PDE1C: variants seen among roughly 807,000 people sequenced by gnomAD.
The protein encoded by PDE1C is dual specificity calcium/calmodulin-dependent 3',5'-cyclic nucleotide phosphodiesterase 1C.
PDE1C carries 62 observed loss-of-function variants against 93.1 expected under a neutral mutation model. The ratio of observed to expected loss-of-function variants is 0.67; its 90% CI spans 0.54 to 0.82. The LOEUF (loss-of-function observed/expected upper bound fraction) is 0.82. Among genes scored for constraint, PDE1C ranks in the 40% least tolerant of loss-of-function variants. The pLI, the probability that PDE1C is intolerant of heterozygous loss-of-function variation, is 0.00. For synonymous variants in PDE1C, 325 were observed against 310.1 expected, an observed-to-expected ratio of 1.05 and a Z score of -0.50; for missense variants, 742 against 884.6, an observed-to-expected ratio of 0.84 and a Z score of 2.04.
upstream of PDE1C, among the ~76,000 whole-genome samples, chr7:32,302,637 G>A (rs1812907609): frequency 6.6e-6 from 1 of 152,218 alleles, no homozygotes; most frequent in South Asian, 2.1e-4. Context: ...CTCTATATAA[G>A]AGAAAGGATA....
chr7:31,954,539 T>G (rs1233425418), intron 2 of PDE1C, among the ~76,000 whole-genome samples: 1 of 152,226 alleles, frequency 6.6e-6, no homozygotes, highest in Non-Finnish European at 1.5e-5. Flanking sequence ...GATCTATTCC[T>G]CTATAACTAA....
At chr7:31,733,326 A>G in the PDE1C span, among the ~76,000 whole-genome samples, 1 of 152,290 alleles carries the variant, frequency 6.6e-6, no homozygotes, top group East Asian at 1.9e-4. Context: ...TGCACAGTCA[A>G]CTTGTAGAGG....
chr7:31,934,602 T>G (rs1308751787), intron 2 of PDE1C, among the ~76,000 whole-genome samples: 2 of 151,752 alleles, frequency 1.3e-5, no homozygotes, highest in Non-Finnish European at 2.9e-5. Context: ...GAGTTGATAC[T>G]GGTCTGATTT....
intron 1 of PDE1C, among the ~76,000 whole-genome samples, chr7:32,258,970 G>A (rs17161104): frequency 0.12 from 17,810 of 152,144 alleles, 1,199 homozygotes; most frequent in African/African-American, 0.16. Context: ...GAATGTCCAT[G>A]GTGCGCCCAG....
intron 1 of PDE1C, among the ~76,000 whole-genome samples, chr7:32,342,350 G>A (rs1402105806): frequency 6.6e-6 from 1 of 152,122 alleles, no homozygotes; most frequent in Non-Finnish European, 1.5e-5. Context: ...AAATATTATT[G>A]TTGAAATATA....
intron 1 of PDE1C, among the ~76,000 whole-genome samples, chr7:32,213,778 C>T (rs1806227597): frequency 6.6e-6 from 1 of 152,220 alleles, no homozygotes; most frequent in Non-Finnish European, 1.5e-5. Flanking sequence ...CTATGCCATA[C>T]TGCTCACAAA....
In PDE1C at chr7:32,185,036, G is replaced by A. The variant is rs377147640; in HGVS notation, c.137-15080C>T. 2.8e-3 allele frequency among the ~76,000 whole-genome samples: 421 copies of A among 151,964 alleles called. 2 individuals are homozygous for A. The highest frequency in any genetic ancestry group is 9.6e-3 in the African/African-American group (399 of 41,444). On this transcript the variant is annotated intron_variant, in intron 2 of 18. Coordinates refer to the PDE1C transcript ENST00000396193. ...TGAGGCAGGATAAGCTCTTGAACCC[G>A]GGAGGCAGAGGTTGTGGTGAGTCGA...
chr7:32,072,665 T>C (rs370143933), upstream of PDE1C, among the ~76,000 whole-genome samples: 370 of 152,354 alleles, frequency 2.4e-3, 2 homozygotes, highest in African/African-American at 7.6e-3. Context: ...CCAAGCATTG[T>C]TCTAAGTGTT....
intron 2 of PDE1C, among the ~76,000 whole-genome samples, chr7:31,963,019 C>T (rs1422197471): frequency 2.0e-5 from 3 of 152,152 alleles, no homozygotes; most frequent in African/African-American, 7.2e-5. Context: ...TTGGTTTCTC[C>T]CTTTTCCTTC....
At chr7:31,833,980 G>A (rs1397965498) in intron 11 of PDE1C, among the ~76,000 whole-genome samples, 5 of 152,248 alleles carry the variant, frequency 3.3e-5, no homozygotes, top group African/African-American at 1.2e-4. Context: ...TCCCCCTGCT[G>A]TGTGCAGCCT....
chr7:32,217,040 G>A (rs1806486266), intron 1 of PDE1C, among the ~76,000 whole-genome samples: 1 of 152,248 alleles, frequency 6.6e-6, no homozygotes, highest in African/African-American at 2.4e-5. Flanking sequence ...GGTGGGCAAA[G>A]AGGCCAGAAC....
chr7:31,622,822 G>A, the PDE1C span, among the ~76,000 whole-genome samples: 1 of 152,056 alleles, frequency 6.6e-6, no homozygotes. Context: ...TCCAGGAGCT[G>A]GTTTTTTGAA....
At chr7:31,812,439 C>T (rs534629888) in intron 15 of PDE1C, among the ~76,000 whole-genome samples, 26 of 152,116 alleles carry the variant, frequency 1.7e-4, no homozygotes, top group Non-Finnish European at 2.8e-4. Context: ...ACTGACTAGA[C>T]CTGGGGTTGG....
At chr7:32,215,370 C>T (rs766933915) in intron 1 of PDE1C, among the ~76,000 whole-genome samples, 10 of 152,152 alleles carry the variant, frequency 6.6e-5, no homozygotes, top group South Asian at 4.2e-4. Context: ...TGAAACCGGT[C>T]CCTGGTGCCA....
the PDE1C span, among the ~76,000 whole-genome samples, chr7:31,624,094 A>G: frequency 6.6e-6 from 1 of 151,128 alleles, no homozygotes; most frequent in Non-Finnish European, 1.5e-5. Flanking sequence ...AAGGAGAACT[A>G]CAAACCACTG....
intron 2 of PDE1C, among the ~76,000 whole-genome samples, chr7:31,973,714 A>G (rs1287292720): frequency 6.6e-6 from 1 of 152,192 alleles, no homozygotes; most frequent in Non-Finnish European, 1.5e-5. Context: ...AAGGCTAAAT[A>G]ACTTGCCCAA....
At chr7:32,164,015 C>T (rs1802072348) in intron 3 of PDE1C, among the ~76,000 whole-genome samples, 1 of 152,200 alleles carries the variant, frequency 6.6e-6, no homozygotes, top group African/African-American at 2.4e-5. Context: ...AGAACAAAAG[C>T]ATTACTCAAA....
At chr7:31,682,782 T>C in the PDE1C span, among the ~76,000 whole-genome samples, 3 of 152,304 alleles carry the variant, frequency 2.0e-5, no homozygotes, top group South Asian at 4.1e-4. Context: ...ACATGGAATA[T>C]TTTTCAGCAA....
At chr7:31,625,752 C>T in the PDE1C span, among the ~76,000 whole-genome samples, 157 of 151,834 alleles carry the variant, frequency 1.0e-3, 1 homozygote, top group African/African-American at 3.5e-3. Context: ...TGCACATGTA[C>T]CCTAAACTTA....
Sources: gnomAD v4.1 joint callset for allele counts (sites outside exome capture counted in the v4.1 genomes callset) on GRCh38, gnomAD v4.1.1 for gene constraint, MANE v1.5 for transcripts, NCBI Gene and HGNC (gene_info 2026-07-23, HGNC 2026-07-21) for gene names.